Variants in LRRC4C observed in about 807,000 individuals in gnomAD.
LRRC4C encodes the protein leucine-rich repeat-containing protein 4C.
A neutral mutation model predicts 33.6 loss-of-function variants in LRRC4C; 5 were observed. That is an observed-to-expected ratio of 0.15 (90% CI 0.08 to 0.31). The LOEUF (loss-of-function observed/expected upper bound fraction) is 0.31, where lower values mean the gene tolerates loss of function less well. Ranked by LOEUF, LRRC4C falls within the 10% of genes least tolerant of loss-of-function variation. The probability of loss-of-function intolerance (pLI) is 1.00; values close to 1 mark genes in which losing one functional copy is unlikely to be tolerated. For missense variants in LRRC4C, 560 were observed against 796.7 expected (o/e 0.70, Z 3.58); for synonymous variants, 329 against 302.0 (o/e 1.09, Z -0.93).
intron 1 of LRRC4C, among the ~76,000 whole-genome samples, chr11:41,274,075 T>C (rs116328773): frequency 1.6e-3 from 241 of 151,992 alleles, no homozygotes; most frequent in African/African-American, 5.7e-3. Flanking sequence ...TCTCCTGACA[T>C]GGAGGCATGC....
intron 6 of LRRC4C, among the ~76,000 whole-genome samples, chr11:40,122,952 TACACACAC>T (rs371461809): frequency 4.3e-5 from 6 of 140,340 alleles, no homozygotes; most frequent in African/African-American, 1.6e-4. Context: ...TATATATTTA[TACACACAC>T]ACACACACAC....
chr11:40,153,698 A>C (rs947506305), intron 5 of LRRC4C, among the ~76,000 whole-genome samples: 2 of 152,184 alleles, frequency 1.3e-5, no homozygotes, highest in Non-Finnish European at 2.9e-5. Context: ...AGAAATTCAG[A>C]GCTTGAAGAC....
chr11:40,158,179 C>T (rs1044888990), intron 5 of LRRC4C, among the ~76,000 whole-genome samples: 1 of 151,994 alleles, frequency 6.6e-6, no homozygotes, highest in East Asian at 1.9e-4. Context: ...AACCATACAT[C>T]GTATGTTCTC....
intron 1 of LRRC4C, among the ~76,000 whole-genome samples, chr11:41,312,541 A>G (rs1174629313): frequency 2.6e-5 from 4 of 152,186 alleles, no homozygotes; most frequent in Admixed American, 2.0e-4. Flanking sequence ...TTAATTTCAT[A>G]TGAATTGATG....
intron 3 of LRRC4C, among the ~76,000 whole-genome samples, chr11:40,599,960 G>C (rs1228722720): frequency 1.3e-5 from 2 of 152,164 alleles, no homozygotes; most frequent in Non-Finnish European, 2.9e-5. Context: ...CAAGGAATTT[G>C]AACTCCTAGA....
chr11:41,274,870 C>T (rs138097767), intron 1 of LRRC4C, among the ~76,000 whole-genome samples: 12 of 152,200 alleles, frequency 7.9e-5, no homozygotes, highest in Non-Finnish European at 1.3e-4. Context: ...AAACTCCGGA[C>T]ACAATATGGT....
At chr11:41,222,073 A>G (rs1361524693) in intron 1 of LRRC4C, among the ~76,000 whole-genome samples, 2 of 152,218 alleles carry the variant, frequency 1.3e-5, no homozygotes, top group Non-Finnish European at 2.9e-5. Flanking sequence ...TACATGGGCT[A>G]GAAATAGGAG....
At chr11:41,072,939 GT>G (rs1938816932) in intron 1 of LRRC4C, among the ~76,000 whole-genome samples, 1 of 152,080 alleles carries the variant, frequency 6.6e-6, no homozygotes. Flanking sequence ...GATTGCAAAT[GT>G]TTTTGTTAAG....
At chr11:40,508,427 G>A (rs1359612666) in intron 3 of LRRC4C, among the ~76,000 whole-genome samples, 1 of 152,024 alleles carries the variant, frequency 6.6e-6, no homozygotes, top group Non-Finnish European at 1.5e-5. Flanking sequence ...TTATAATGTA[G>A]TACAGTGTAA....
chr11:41,187,728 C>T (rs1176940705), intron 1 of LRRC4C, among the ~76,000 whole-genome samples: 1 of 152,218 alleles, frequency 6.6e-6, no homozygotes, highest in South Asian at 2.1e-4. Flanking sequence ...AAAGAGCACC[C>T]TGTAACTTGC....
At chr11:41,192,742 A>G (rs762283236) in intron 1 of LRRC4C, among the ~76,000 whole-genome samples, 1 of 152,132 alleles carries the variant, frequency 6.6e-6, no homozygotes, top group Non-Finnish European at 1.5e-5. Context: ...TCATTACAGG[A>G]CAACTTAAAT....
chr11:40,211,062 C>G (rs1863569768), intron 5 of LRRC4C, among the ~76,000 whole-genome samples: 1 of 152,172 alleles, frequency 6.6e-6, no homozygotes, highest in African/African-American at 2.4e-5. Context: ...CAGGCCTGAG[C>G]AACTGCTCCC....
rs572158816 is a variant in LRRC4C at position 40,114,339 on chromosome 11, ATTGT to A, written c.*27_*30del. 1.7e-3 allele frequency: 2,516 copies of A among 1,492,758 alleles called. 3 individuals are homozygous for A. The highest frequency in any genetic ancestry group is 2.0e-3 in the Non-Finnish European group (2,287 of 1,122,530). 92.5% of individuals were successfully genotyped at this position (1,492,758 alleles called of 1,614,324 possible). A position where few individuals can be genotyped will look rare whatever the true frequency, so the allele number is the denominator to read the frequency against. ...TTTTAATAAACTGTCTTTTTTTTTG[ATTGT>A]TTGTTTTTTGTAACTCTGTAAATGT... is the stretch of plus-strand genomic sequence containing the variant. On this transcript the variant is annotated 3_prime_UTR_variant, in exon 7 of 7. Coordinates refer to ENST00000528697, the MANE Select transcript of LRRC4C (RefSeq NM_001258419.2).
intron 3 of LRRC4C, among the ~76,000 whole-genome samples, chr11:40,557,250 A>C (rs1422708463): frequency 6.6e-6 from 1 of 152,098 alleles, no homozygotes; most frequent in Admixed American, 6.5e-5. Context: ...AAAAAAGTGC[A>C]GTGGAACTAA....
At chr11:40,665,360 ATATG>A (rs1227710325) in intron 2 of LRRC4C, among the ~76,000 whole-genome samples, 153 of 14,288 alleles carry the variant, frequency 0.011, 5 homozygotes, top group Non-Finnish European at 0.016. Flanking sequence ...ATATATATAT[ATATG>A]TATATATATA....
intron 3 of LRRC4C, among the ~76,000 whole-genome samples, chr11:40,369,567 A>T (rs149759367): frequency 0.012 from 1,807 of 152,016 alleles, 27 homozygotes; most frequent in African/African-American, 0.037. Context: ...CGAACTCCTG[A>T]CCTCAGGTGG....
At chr11:40,682,435 G>A (rs934022599) in intron 2 of LRRC4C, among the ~76,000 whole-genome samples, 3 of 152,098 alleles carry the variant, frequency 2.0e-5, no homozygotes, top group African/African-American at 4.8e-5. Flanking sequence ...CCAACAGTAT[G>A]GGCCTTAAGG....
At chr11:40,806,296 G>A (rs572310849) in intron 2 of LRRC4C, among the ~76,000 whole-genome samples, 2 of 152,278 alleles carry the variant, frequency 1.3e-5, no homozygotes, top group African/African-American at 4.8e-5. Flanking sequence ...GGGTTCCTTG[G>A]ATTTTCCTTC....
intron 1 of LRRC4C, among the ~76,000 whole-genome samples, chr11:41,064,141 ATTAT>A (rs1480039470): frequency 6.6e-6 from 1 of 152,242 alleles, no homozygotes; most frequent in Non-Finnish European, 1.5e-5. Context: ...CTTACAACTA[ATTAT>A]TTATTTACCA....
Sources: allele counts gnomAD v4.1 joint callset (sites outside exome capture counted in the v4.1 genomes callset), GRCh38; gene constraint gnomAD v4.1.1; transcripts MANE v1.5; gene names NCBI Gene and HGNC (gene_info 2026-07-23, HGNC 2026-07-21).